Variants in KRABD4 observed in about 807,000 individuals in gnomAD.
KRABD4 encodes the protein KRAB domain-containing protein 4.
the KRABD4 span, chrX:46,473,555 G>A: frequency 1.8e-6 from 1 of 569,472 alleles, no homozygotes; most frequent in Non-Finnish European, 2.7e-6. Flanking sequence ...CTCATTGTAT[G>A]TCACAGAACA....
At chrX:46,461,328 C>G in the KRABD4 span, among the ~76,000 whole-genome samples, 1 of 110,869 alleles carries the variant, frequency 9.0e-6, no homozygotes, top group African/African-American at 3.3e-5. Flanking sequence ...GTTAGGGCTT[C>G]CAAGCAACAT....
At chrX:46,469,748 G>A in the KRABD4 span, among the ~76,000 whole-genome samples, 5 of 111,686 alleles carry the variant, frequency 4.5e-5, no homozygotes, top group African/African-American at 1.6e-4. Context: ...ACTAGGGTAG[G>A]GAGGGCAACA....
chrX:46,458,266 A>G, the KRABD4 span, among the ~76,000 whole-genome samples: 1 of 112,462 alleles, frequency 8.9e-6, no homozygotes, highest in Non-Finnish European at 1.9e-5. Context: ...TAAACATTAA[A>G]AAGGTTGATA....
At chrX:46,452,692 A>G in the KRABD4 span, among the ~76,000 whole-genome samples, 1 of 112,512 alleles carries the variant, frequency 8.9e-6, no homozygotes, top group East Asian at 2.8e-4. Flanking sequence ...CATTGTGTAC[A>G]TGTGAGAACA....
At chrX:46,473,502 T>C in the KRABD4 span, 5 of 810,296 alleles carry the variant, frequency 6.2e-6, no homozygotes, top group Non-Finnish European at 3.5e-6. Context: ...AGAAACCTTA[T>C]GAATGTAATA....
the KRABD4 span, among the ~76,000 whole-genome samples, chrX:46,458,222 A>G: frequency 4.4e-5 from 5 of 112,584 alleles, no homozygotes; most frequent in East Asian, 1.4e-3. Context: ...AAATGTATGT[A>G]GAATAGTATA....
the KRABD4 span, among the ~76,000 whole-genome samples, chrX:46,451,689 TTC>T: frequency 3.8e-4 from 42 of 111,594 alleles, no homozygotes; most frequent in Non-Finnish European, 7.5e-5. Flanking sequence ...ACCAGATAAT[TTC>T]TGTGTTCCAA....
the KRABD4 span, chrX:46,448,059 A>C: frequency 1.8e-5 from 2 of 111,867 alleles, no homozygotes; most frequent in African/African-American, 6.5e-5. Context: ...TTGAGCTGTG[A>C]ATCAATGTTA....
chrX:46,462,559 T>G, the KRABD4 span: 1 of 658,756 alleles, frequency 1.5e-6, no homozygotes, highest in Non-Finnish European at 2.3e-6. Context: ...AACCAGACCG[T>G]GTGGATTCGA....
the KRABD4 span, among the ~76,000 whole-genome samples, chrX:46,465,217 G>A: frequency 1.8e-5 from 2 of 112,940 alleles, no homozygotes; most frequent in Non-Finnish European, 3.7e-5. Context: ...CATTTCTTTA[G>A]CTCAAACACA....
At chrX:46,454,816 C>G in the KRABD4 span, among the ~76,000 whole-genome samples, 1 of 111,585 alleles carries the variant, frequency 9.0e-6, no homozygotes, top group South Asian at 3.8e-4. Context: ...CAAAAACAAA[C>G]AACAATAAAA....
chrX:46,461,073 C>T, the KRABD4 span, among the ~76,000 whole-genome samples: 1 of 104,522 alleles, frequency 9.6e-6, no homozygotes, highest in Non-Finnish European at 2.0e-5. Context: ...GGACAAAAAC[C>T]AAATATATAT....
chrX:46,471,704 G>C, the KRABD4 span, among the ~76,000 whole-genome samples: 2 of 112,014 alleles, frequency 1.8e-5, no homozygotes, highest in African/African-American at 6.5e-5. Flanking sequence ...TTTCTAGAAT[G>C]TCATATAGTT....
chrX:46,455,114 G>T, the KRABD4 span: 1 of 582,026 alleles, frequency 1.7e-6, no homozygotes, highest in Non-Finnish European at 2.7e-6. Context: ...TTACTTGTGG[G>T]TTCCACTAGG....
chrX:46,470,768 T>G, the KRABD4 span, among the ~76,000 whole-genome samples: 1,107 of 111,242 alleles, frequency 1.0e-2, 15 homozygotes, highest in African/African-American at 0.034. Context: ...CAAATTCCCC[T>G]TAAGACTTAT....
At chrX:46,457,744 G>C in the KRABD4 span, among the ~76,000 whole-genome samples, 6 of 101,373 alleles carry the variant, frequency 5.9e-5, no homozygotes, top group Non-Finnish European at 1.2e-4. Context: ...TTGTTTGTTT[G>C]TTTGTTTGTT....
chrX:46,455,095 G>T, the KRABD4 span: 1 of 481,852 alleles, frequency 2.1e-6, no homozygotes, highest in South Asian at 3.2e-5. Context: ...ATTCATTGAT[G>T]GTTCTGAATT....
chrX:46,450,333 C>A, the KRABD4 span: 1 of 469,819 alleles, frequency 2.1e-6, no homozygotes, highest in Non-Finnish European at 3.5e-6. Flanking sequence ...GTTTTTAGAT[C>A]ACTCTCCCTA....
At chrX:46,472,639 CAA>C in the KRABD4 span, 1 of 896,065 alleles carries the variant, frequency 1.1e-6, no homozygotes, top group Non-Finnish European at 1.6e-6. Flanking sequence ...CACATCAGCT[CAA>C]GTCATGTTGA....
Sources: allele counts gnomAD v4.1 joint callset (sites outside exome capture counted in the v4.1 genomes callset), GRCh38; gene constraint gnomAD v4.1.1; transcripts MANE v1.5; gene names NCBI Gene and HGNC (gene_info 2026-07-23, HGNC 2026-07-21).